The following TSPEAR variants were observed in gnomAD, a reference collection of about 807,000 sequenced individuals.
TSPEAR encodes the protein thrombospondin type laminin G domain and EAR repeats.
A neutral mutation model predicts 71.6 loss-of-function variants in TSPEAR; 69 were observed. The ratio of observed to expected loss-of-function variants is 0.96; its 90% CI spans 0.79 to 1.18. TSPEAR has a LOEUF of 1.18. Ranked by LOEUF, TSPEAR falls within the 50% of genes most tolerant of loss-of-function variation. The pLI is 0.00. For missense variants in TSPEAR, 971 were observed against 894.9 expected, an observed-to-expected ratio of 1.09 and a Z score of -1.09; for synonymous variants, 402 against 387.2, an observed-to-expected ratio of 1.04 and a Z score of -0.45.
intron 4 of TSPEAR, 151 bp from the exon 5 acceptor site, chr21:44,530,105 A>G (rs1555915575): frequency 2.4e-6 from 2 of 824,110 alleles, no homozygotes; most frequent in Non-Finnish European, 3.7e-6. Context: ...AAGAGTTTAC[A>G]TGATGGTTAC....
chr21:44,505,807 G>C, intron 10 of TSPEAR, among the ~76,000 whole-genome samples: 1 of 152,102 alleles, frequency 6.6e-6, no homozygotes, highest in Non-Finnish European at 1.5e-5. Context: ...TTGTCCATCC[G>C]CTGACAGACA....
In TSPEAR at chr21:44,525,783, G is replaced by T; in HGVS notation, c.1206C>A (p.Val402=). The change falls in exon 8 of 12, where the codon GTC becomes GTA. Residue 402 remains valine (V), a synonymous_variant. Coordinates refer to ENST00000323084, the MANE Select transcript of TSPEAR (RefSeq NM_144991.3). ...EPDEKGQEFS[V]IYKWSHRKLK... is the part of the protein sequence containing the mutation. ...GCTTTCTGTGGCTCCATTTGTAAATGACAGAGAACTCCTGACCCTTCTCAT... is the reference window on the plus strand; with the variant it reads ...GCTTTCTGTGGCTCCATTTGTAAATTACAGAGAACTCCTGACCCTTCTCAT... The T allele has an allele frequency of 6.2e-7, 1 of 1,614,170 alleles. No individual in the cohort carries two copies.
At chr21:44,516,100 G>A (rs1306017371) in intron 9 of TSPEAR, 3 of 152,280 alleles carry the variant, frequency 2.0e-5, no homozygotes, top group African/African-American at 7.2e-5. Flanking sequence ...TGTGAGATGG[G>A]TCTGAGGTGG....
chr21:44,689,351 A>C (rs1987006844), intron 1 of TSPEAR, among the ~76,000 whole-genome samples: 2 of 151,740 alleles, frequency 1.3e-5, no homozygotes, highest in Non-Finnish European at 2.9e-5. Flanking sequence ...AAATACAAAA[A>C]ATTAGCCAGG....
intron 1 of TSPEAR, among the ~76,000 whole-genome samples, chr21:44,703,066 C>T (rs1302124519): frequency 1.4e-5 from 2 of 145,684 alleles, no homozygotes; most frequent in Non-Finnish European, 3.0e-5. Context: ...AGGTCCCTGG[C>T]CCCCCCTGCC....
intron 8 of TSPEAR, among the ~76,000 whole-genome samples, chr21:44,523,570 T>C (rs1352663593): frequency 1.3e-5 from 2 of 151,274 alleles, no homozygotes; most frequent in Admixed American, 6.6e-5. Context: ...GTCAGTCAGT[T>C]AGGTCGTCAG....
At chr21:44,630,172 G>A (rs1555935458) in intron 1 of TSPEAR, among the ~76,000 whole-genome samples, 1 of 152,180 alleles carries the variant, frequency 6.6e-6, no homozygotes, top group East Asian at 1.9e-4. Flanking sequence ...GGGCAGAGGG[G>A]GAACAAGCAC....
Position 44,573,616 on chromosome 21 carries a change from G to A in TSPEAR, c.83-5611C>T, listed in dbSNP as rs1259108458. 9 of 1,391,214 alleles carry A rather than the reference G, an allele frequency of 6.5e-6. No individual in the cohort carries two copies. The African/African-American group carries it at 8.7e-5, about 13-fold the overall frequency. 86.2% of individuals were successfully genotyped at this position (1,391,214 alleles called of 1,614,324 possible). A position where few individuals can be genotyped will look rare whatever the true frequency, so the allele number is the denominator to read the frequency against. On this transcript the variant is annotated intron_variant, in intron 1 of 11. Transcript: ENST00000323084. ...GCTGGCTGTACACCCCAACAAGGAAGGGAGGGCTTGCTGAGCCTCCTGTCT... is the reference window on the plus strand; with the variant it reads ...GCTGGCTGTACACCCCAACAAGGAAAGGAGGGCTTGCTGAGCCTCCTGTCT...
At chr21:44,564,777 A>G (rs905468542) in intron 2 of TSPEAR, among the ~76,000 whole-genome samples, 2 of 152,188 alleles carry the variant, frequency 1.3e-5, no homozygotes, top group Non-Finnish European at 2.9e-5. Flanking sequence ...CAATAAACCA[A>G]TAAAGTCTAG....
At chr21:44,549,998 C>T (rs1439872681) in intron 2 of TSPEAR, among the ~76,000 whole-genome samples, 2 of 152,240 alleles carry the variant, frequency 1.3e-5, no homozygotes, top group African/African-American at 4.8e-5. Flanking sequence ...GCCCAAGTCT[C>T]CCGCCGTGTC....
At chr21:44,649,616 G>A (rs985195220) in intron 1 of TSPEAR, among the ~76,000 whole-genome samples, 4 of 152,182 alleles carry the variant, frequency 2.6e-5, no homozygotes, top group South Asian at 2.1e-4. Flanking sequence ...GGCAGCCCTC[G>A]GTTTTGGGGG....
At position 44,710,937 on chromosome 21, in the gene TSPEAR, G is replaced by C. The variant is rs1394546880; in HGVS notation, c.82+496C>G. On this transcript the variant is annotated intron_variant, in intron 1 of 11. Coordinates refer to ENST00000323084, the MANE Select transcript of TSPEAR (RefSeq NM_144991.3). The surrounding 1 kb of genome is among the most constrained non-coding windows in gnomAD (Gnocchi z 4.6). ...CTTCACTCCAGAGGTGGTTGTGTTT[G>C]GGGCTGTGTCTGTGTCTCCAGCTTT... is the stretch of plus-strand genomic sequence containing the variant. 6.6e-6 allele frequency among the ~76,000 whole-genome samples: 1 copy of C among 152,212 alleles called. No homozygotes were observed. Among genetic ancestry groups the C allele is most frequent in the Non-Finnish European group, 1.5e-5 (1 of 68,040 alleles).
chr21:44,705,189 A>G (rs1282486425), intron 1 of TSPEAR, among the ~76,000 whole-genome samples: 1 of 152,260 alleles, frequency 6.6e-6, no homozygotes, highest in Non-Finnish European at 1.5e-5. Flanking sequence ...TAAAGATTTC[A>G]TAGACACTTA....
intron 1 of TSPEAR, among the ~76,000 whole-genome samples, chr21:44,679,028 C>T (rs1328090977): frequency 1.3e-5 from 2 of 152,164 alleles, no homozygotes; most frequent in Non-Finnish European, 2.9e-5. Flanking sequence ...CGTTATCCTA[C>T]TTCAATTGGT....
intron 9 of TSPEAR, among the ~76,000 whole-genome samples, chr21:44,511,982 TGGAG>T (rs113604450): frequency 0.034 from 5,202 of 152,062 alleles, 275 homozygotes; most frequent in African/African-American, 0.11. Flanking sequence ...TGGGGGACCA[TGGAG>T]GGGCTGCCCG....
At chr21:44,524,320 T>TA (rs1425887947) in intron 8 of TSPEAR, among the ~76,000 whole-genome samples, 2 of 151,816 alleles carry the variant, frequency 1.3e-5, no homozygotes, top group Non-Finnish European at 2.9e-5. Flanking sequence ...GTCAGGTAGT[T>TA]AGTCAGTCAG....
intron 1 of TSPEAR, among the ~76,000 whole-genome samples, chr21:44,576,863 A>G (rs1555924058): frequency 6.6e-6 from 1 of 152,236 alleles, no homozygotes; most frequent in Non-Finnish European, 1.5e-5. Flanking sequence ...CACGTGGAAC[A>G]TCCACCAACA....
At chr21:44,635,603 T>G (rs927656117) in intron 1 of TSPEAR, among the ~76,000 whole-genome samples, 5 of 152,152 alleles carry the variant, frequency 3.3e-5, no homozygotes, top group African/African-American at 1.2e-4. Context: ...ATATGAAATG[T>G]GCAGAACAGG....
At chr21:44,660,153 T>C (rs1985410865) in intron 1 of TSPEAR, among the ~76,000 whole-genome samples, 1 of 152,134 alleles carries the variant, frequency 6.6e-6, no homozygotes, top group South Asian at 2.1e-4. Flanking sequence ...CATTTATGGA[T>C]GTAATTGGAG....
Sources: gnomAD v4.1 joint callset for allele counts (sites outside exome capture counted in the v4.1 genomes callset) on GRCh38, gnomAD v4.1.1 for gene constraint, Gnocchi (gnomAD v3.1) non-coding constraint, MANE v1.5 for transcripts, NCBI Gene and HGNC (gene_info 2026-07-23, HGNC 2026-07-21) for gene names.